The following SLCO3A1 variants were observed in gnomAD, a reference collection of about 807,000 sequenced individuals.
SLCO3A1 encodes solute carrier organic anion transporter family member 3A1.
A neutral mutation model predicts 63.1 loss-of-function variants in SLCO3A1; 27 were observed. The observed-to-expected ratio is 0.43, with a 90% CI of 0.32 to 0.59. The LOEUF (loss-of-function observed/expected upper bound fraction) is 0.59. SLCO3A1 is among the 20% of genes least tolerant of loss of function. The pLI, the probability that SLCO3A1 is intolerant of heterozygous loss-of-function variation, is 0.09. For missense variants in SLCO3A1, 773 were observed against 945.8 expected (o/e 0.82, Z 2.40); for synonymous variants, 473 against 409.9 (o/e 1.15, Z -1.86).
Position 92,145,970 on chromosome 15 carries a change from G to C in SLCO3A1, c.1513-1014G>C, listed in dbSNP as rs915933735. On this transcript the variant is annotated intron_variant, in intron 7 of 9. Transcript: ENST00000318445. ...AGTGGGATCAGAAAACCCTATCTCT[G>C]TGTTCTGTGGGGAGAGGGGGAGGAC... Among the ~76,000 whole-genome samples the C allele has an allele frequency of 2.0e-5, 3 of 151,960 alleles. No individual in the cohort carries two copies. The East Asian group carries it at 5.8e-4, about 29-fold the overall frequency.
At chr15:92,051,314 G>T (rs1220335843) in intron 2 of SLCO3A1, among the ~76,000 whole-genome samples, 1 of 152,088 alleles carries the variant, frequency 6.6e-6, no homozygotes, top group Non-Finnish European at 1.5e-5. Context: ...CAGAGGCTAG[G>T]GAATGTGTCA....
At chr15:92,138,773 G>A (rs1239541571) in intron 7 of SLCO3A1, among the ~76,000 whole-genome samples, 4 of 84,746 alleles carry the variant, frequency 4.7e-5, no homozygotes, top group African/African-American at 3.0e-4. Context: ...TTGGCTCTCT[G>A]TTTGTCTGTT....
At chr15:91,881,145 G>A (rs1897573459) in intron 1 of SLCO3A1, among the ~76,000 whole-genome samples, 1 of 152,218 alleles carries the variant, frequency 6.6e-6, no homozygotes, top group African/African-American at 2.4e-5. Context: ...CAAAGGAGAT[G>A]TAATACAAGC....
At chr15:92,053,380 A>T (rs148380091) in intron 2 of SLCO3A1, among the ~76,000 whole-genome samples, 22 of 152,334 alleles carry the variant, frequency 1.4e-4, no homozygotes, top group African/African-American at 5.1e-4. Flanking sequence ...TTCCACCATG[A>T]TTAACATCTT....
intron 2 of SLCO3A1, among the ~76,000 whole-genome samples, chr15:92,010,846 C>A (rs2046361130): frequency 6.6e-6 from 1 of 152,202 alleles, no homozygotes; most frequent in Non-Finnish European, 1.5e-5. Context: ...ATCCAATCAA[C>A]TTTGTTCTGA....
chr15:91,943,455 G>A (rs1899692018), intron 2 of SLCO3A1, among the ~76,000 whole-genome samples: 1 of 152,166 alleles, frequency 6.6e-6, no homozygotes, highest in Non-Finnish European at 1.5e-5. Flanking sequence ...CATTGTAGGT[G>A]TAAACCATAT....
intron 1 of SLCO3A1, among the ~76,000 whole-genome samples, chr15:91,871,764 G>GTTTTTTTTT (rs1368889555): frequency 2.8e-5 from 1 of 35,330 alleles, no homozygotes; most frequent in Non-Finnish European, 5.5e-5. Context: ...GTTTTTTTTT[G>GTTTTTTTTT]GTTTTTTTTT....
intron 2 of SLCO3A1, among the ~76,000 whole-genome samples, chr15:91,917,403 G>A (rs772697493): frequency 2.6e-5 from 4 of 152,190 alleles, no homozygotes; most frequent in Non-Finnish European, 5.9e-5. Flanking sequence ...TGACATAAAG[G>A]TTCCTATCTG....
chr15:92,068,189 G>A (rs1365329428), intron 2 of SLCO3A1, among the ~76,000 whole-genome samples: 5 of 152,126 alleles, frequency 3.3e-5, no homozygotes, highest in African/African-American at 9.7e-5. Context: ...GTGATAGAGC[G>A]GCACGAAGCT....
In SLCO3A1 at chr15:91,854,440, C is replaced by G. The variant is rs7173207; in HGVS notation, c.180+352C>G. ...GTTCAGGGTTCTCCTTGGAGAGGAA[C>G]GAAAAAGCGTCGGGGTTTTCAGGTG... is the stretch of plus-strand genomic sequence containing the variant. On this transcript the variant is annotated intron_variant, in intron 1 of 9. Transcript: ENST00000318445. The surrounding 1 kb of genome is among the most constrained non-coding windows in gnomAD (Gnocchi z 6.4). 1.0e-6 allele frequency: 1 copy of G among 968,494 alleles called. No homozygotes were observed. The highest frequency in any genetic ancestry group is 1.7e-5 in the African/African-American group (1 of 57,210). 60.0% of individuals were successfully genotyped at this position (968,494 alleles called of 1,614,324 possible).
chr15:91,943,439 A>G (rs774064985), intron 2 of SLCO3A1, among the ~76,000 whole-genome samples: 1 of 152,178 alleles, frequency 6.6e-6, no homozygotes, highest in Non-Finnish European at 1.5e-5. Context: ...AGGCAGAATC[A>G]TATTTCATTG....
chr15:92,121,690 A>T (rs1479028386), intron 5 of SLCO3A1, among the ~76,000 whole-genome samples: 1 of 152,000 alleles, frequency 6.6e-6, no homozygotes, highest in African/African-American at 2.4e-5. Flanking sequence ...GTGTAGAGTT[A>T]AAAAAAGATA....
At chr15:91,918,638 TTATTG>T (rs1898739839) in intron 2 of SLCO3A1, among the ~76,000 whole-genome samples, 1 of 152,210 alleles carries the variant, frequency 6.6e-6, no homozygotes, top group South Asian at 2.1e-4. Context: ...GTTCATTTAT[TTATTG>T]TATGAGCTAT....
intron 2 of SLCO3A1, among the ~76,000 whole-genome samples, chr15:92,002,333 C>T (rs1191337479): frequency 6.6e-6 from 1 of 152,130 alleles, no homozygotes; most frequent in Non-Finnish European, 1.5e-5. Flanking sequence ...AAGAAGAAAC[C>T]GTCCAGTGGA....
intron 8 of SLCO3A1, 32 bp from the exon 9 acceptor site, chr15:92,150,917 GT>G (rs76758332): frequency 3.7e-4 from 507 of 1,378,038 alleles, no homozygotes; most frequent in Admixed American, 5.6e-4. Flanking sequence ...TAAAAATCTG[GT>G]TTTTTTTTTC....
chr15:92,015,233 G>T (rs1385871132), intron 2 of SLCO3A1, among the ~76,000 whole-genome samples: 1 of 152,082 alleles, frequency 6.6e-6, no homozygotes, highest in Non-Finnish European at 1.5e-5. Flanking sequence ...GTTGGCGGGT[G>T]TATTCATCCA....
At chr15:92,152,891 T>A (rs1385422653) in intron 9 of SLCO3A1, among the ~76,000 whole-genome samples, 1 of 152,204 alleles carries the variant, frequency 6.6e-6, no homozygotes, top group Non-Finnish European at 1.5e-5. Flanking sequence ...GGAGTTGCTA[T>A]GGAGATCTCT....
chr15:91,999,363 G>A lies in SLCO3A1; in HGVS notation c.646+82905G>A, dbSNP rs150248527. On this transcript the variant is annotated intron_variant, in intron 2 of 9. Coordinates refer to ENST00000318445, the MANE Select transcript of SLCO3A1 (RefSeq NM_013272.4). ...TTTGTGCTACACATAACCAATCAAC[G>A]ATTAATATTCAGAATATTTAAGAAT... Among the ~76,000 whole-genome samples, 618 of 152,142 alleles carry A rather than the reference G, an allele frequency of 4.1e-3. 3 individuals carry two copies. The highest frequency in any genetic ancestry group is 6.9e-3 in the Non-Finnish European group (468 of 67,998).
At chr15:92,110,923 A>G (rs2047721383) in intron 4 of SLCO3A1, among the ~76,000 whole-genome samples, 1 of 152,154 alleles carries the variant, frequency 6.6e-6, no homozygotes, top group Non-Finnish European at 1.5e-5. Flanking sequence ...ACCAGCCCAC[A>G]TGTGACTACC....
Sources: allele counts gnomAD v4.1 joint callset (sites outside exome capture counted in the v4.1 genomes callset), GRCh38; gene constraint gnomAD v4.1.1; non-coding constraint Gnocchi (gnomAD v3.1); transcripts MANE v1.5; gene names NCBI Gene and HGNC (gene_info 2026-07-23, HGNC 2026-07-21).